XRCC4: variants seen among roughly 807,000 people sequenced by gnomAD.
The protein encoded by XRCC4 is DNA repair protein XRCC4.
Under a neutral mutation model 39.1 loss-of-function variants are expected in XRCC4, and 28 were observed. The ratio of observed to expected loss-of-function variants is 0.72; its 90% confidence interval spans 0.53 to 0.98. The LOEUF (loss-of-function observed/expected upper bound fraction) is 0.98, where lower values mean the gene tolerates loss of function less well. Ranked by LOEUF, XRCC4 falls within the 50% of genes least tolerant of loss-of-function variation. XRCC4 has a pLI of 0.00. For synonymous variants in XRCC4, 123 were observed against 126.4 expected (o/e 0.97, Z 0.18); for missense variants, 350 against 376.4 (o/e 0.93, Z 0.58).
chr5:83,231,180 T>A (rs1469327718), intron 6 of XRCC4, among the ~76,000 whole-genome samples: 1 of 152,048 alleles, frequency 6.6e-6, no homozygotes, highest in Non-Finnish European at 1.5e-5. Context: ...TTTTCCTATA[T>A]GTCAGGCAGG....
chr5:83,114,443 C>A (rs1746610218), intron 3 of XRCC4, among the ~76,000 whole-genome samples: 1 of 152,158 alleles, frequency 6.6e-6, no homozygotes, highest in Non-Finnish European at 1.5e-5. Context: ...TACCCTAAGT[C>A]ATTTCTCTCA....
chr5:83,300,566 G>GTGTA (rs1755245336), intron 7 of XRCC4, among the ~76,000 whole-genome samples: 1 of 105,352 alleles, frequency 9.5e-6, no homozygotes, highest in Non-Finnish European at 2.1e-5. Context: ...GTGTGTGTGT[G>GTGTA]TGTGTGTGTG....
chr5:83,213,711 G>A (rs1314738237), intron 6 of XRCC4, among the ~76,000 whole-genome samples: 1 of 152,026 alleles, frequency 6.6e-6, no homozygotes, highest in Non-Finnish European at 1.5e-5. Context: ...AACTCATTTT[G>A]TGAGGCCGAT....
intron 7 of XRCC4, among the ~76,000 whole-genome samples, chr5:83,300,546 T>TG (rs1755242912): frequency 1.6e-4 from 20 of 126,990 alleles, no homozygotes; most frequent in Non-Finnish European, 2.4e-4. Context: ...TATCTTTTGT[T>TG]TGTGTGTGTG....
chr5:83,258,441 CCTT>C, intron 6 of XRCC4, 86 bp from the exon 7 acceptor site: 1 of 1,457,668 alleles, frequency 6.9e-7, no homozygotes, highest in Non-Finnish European at 9.4e-7. Context: ...TTAATTGTCA[CCTT>C]ATGTCAATGC....
At chr5:83,237,432 T>A (rs1752733135) in intron 6 of XRCC4, among the ~76,000 whole-genome samples, 1 of 152,084 alleles carries the variant, frequency 6.6e-6, no homozygotes, top group Non-Finnish European at 1.5e-5. Context: ...AACTAGAGGA[T>A]GTTATATTAA....
rs187364440 is a variant in XRCC4, at chr5:83,270,661, T to G, written c.893+11984T>G. On this transcript the variant is annotated intron_variant, in intron 7 of 7. Transcript: ENST00000396027. ...CCTAGAGTATTCCAGTGCCTTCCCA[T>G]TGTACTTAGTCTAAACTCATTACCA... 8.7e-4 allele frequency among the ~76,000 whole-genome samples: 132 copies of G among 152,176 alleles called. 1 individual carries two copies. In the Middle Eastern group the frequency reaches 0.01, roughly 12 times the overall value.
intron 7 of XRCC4, among the ~76,000 whole-genome samples, chr5:83,337,692 G>T (rs983856810): frequency 6.6e-6 from 1 of 152,160 alleles, no homozygotes; most frequent in Non-Finnish European, 1.5e-5. Flanking sequence ...TGGACAAATT[G>T]CAGACTCACA....
chr5:83,097,808 A>G (rs1055534981), intron 1 of XRCC4, among the ~76,000 whole-genome samples: 1 of 152,160 alleles, frequency 6.6e-6, no homozygotes, highest in Non-Finnish European at 1.5e-5. Context: ...TTCTTGTGAC[A>G]GTCTAGAAAG....
At chr5:83,287,172 T>G (rs1247629944) in intron 7 of XRCC4, among the ~76,000 whole-genome samples, 1 of 152,078 alleles carries the variant, frequency 6.6e-6, no homozygotes, top group African/African-American at 2.4e-5. Context: ...ATCAACATAT[T>G]TTGAGGAAAT....
At chr5:83,139,794 C>T (rs1748080913) in intron 3 of XRCC4, among the ~76,000 whole-genome samples, 2 of 152,170 alleles carry the variant, frequency 1.3e-5, no homozygotes, top group Non-Finnish European at 2.9e-5. Context: ...CACACCTAAA[C>T]ACAGAATAGG....
At chr5:83,104,599 T>G (rs1486377517) in intron 1 of XRCC4, among the ~76,000 whole-genome samples, 3 of 152,174 alleles carry the variant, frequency 2.0e-5, no homozygotes, top group Non-Finnish European at 4.4e-5. Context: ...ATTACCGGTG[T>G]GAGACACCGC....
chr5:83,367,069 G>A, the XRCC4 span, among the ~76,000 whole-genome samples: 25 of 152,122 alleles, frequency 1.6e-4, no homozygotes, highest in Admixed American at 1.3e-4. Flanking sequence ...TGCCTAGAAC[G>A]ATGTTGGGTA....
At position 83,247,288 on chromosome 5, in the gene XRCC4, T is replaced by A. The variant is rs549992994; in HGVS notation, c.746-11242T>A. 2.0e-4 allele frequency among the ~76,000 whole-genome samples: 31 copies of A among 152,080 alleles called. 1 individual carries two copies. In the East Asian group the frequency reaches 5.8e-3, roughly 28 times the overall value. On this transcript the variant is annotated intron_variant, in intron 6 of 7. Transcript: ENST00000396027. ...CTTCATCCATATCTTACAGCAGGGGTCCTCAATCCCCTAGCAGCAGACCAG... is the reference window on the plus strand; with the variant it reads ...CTTCATCCATATCTTACAGCAGGGGACCTCAATCCCCTAGCAGCAGACCAG...
chr5:83,101,174 G>GTT (rs1745917587), intron 1 of XRCC4, among the ~76,000 whole-genome samples: 1 of 152,004 alleles, frequency 6.6e-6, no homozygotes, highest in Admixed American at 6.6e-5. Context: ...CATGTTGGAA[G>GTT]TTTGTGCTTT....
At chr5:83,212,726 G>A (rs1248844011) in intron 6 of XRCC4, among the ~76,000 whole-genome samples, 6 of 151,880 alleles carry the variant, frequency 4.0e-5, no homozygotes, top group East Asian at 1.9e-4. Context: ...TCAGGAGTTC[G>A]AGACTGACCT....
intron 3 of XRCC4, among the ~76,000 whole-genome samples, chr5:83,158,102 A>G (rs1387524564): frequency 6.6e-6 from 1 of 152,062 alleles, no homozygotes; most frequent in African/African-American, 2.4e-5. Flanking sequence ...ATGAGATTTT[A>G]TCTCTTGAAA....
intron 3 of XRCC4, among the ~76,000 whole-genome samples, chr5:83,128,618 G>T (rs532538558): frequency 1.4e-4 from 22 of 152,192 alleles, no homozygotes; most frequent in African/African-American, 5.3e-4. Flanking sequence ...TAATTCTCCA[G>T]ATCTTCTCCA....
In XRCC4 at chr5:83,252,251, G is replaced by A. The variant is rs554775288; in HGVS notation, c.746-6279G>A. 4.3e-4 allele frequency among the ~76,000 whole-genome samples: 65 copies of A among 152,188 alleles called. No homozygotes were observed. In the South Asian group the frequency reaches 0.012, roughly 29 times the overall value. On this transcript the variant is annotated intron_variant, in intron 6 of 7. Coordinates refer to ENST00000396027, the MANE Select transcript of XRCC4 (RefSeq NM_003401.5). ...TTTAGGGTTGTATTTTAAGGTTTGCGTTTTGTGCTTTTTTCTCTTAATATT... is the reference window on the plus strand; with the variant it reads ...TTTAGGGTTGTATTTTAAGGTTTGCATTTTGTGCTTTTTTCTCTTAATATT...
Sources: gnomAD v4.1 joint callset for allele counts (sites outside exome capture counted in the v4.1 genomes callset) on GRCh38, gnomAD v4.1.1 for gene constraint, MANE v1.5 for transcripts, NCBI Gene and HGNC (gene_info 2026-07-23, HGNC 2026-07-21) for gene names.